HECTD4: variants seen among roughly 807,000 people sequenced by gnomAD.
The protein encoded by HECTD4 is probable E3 ubiquitin-protein ligase HECTD4.
A neutral mutation model predicts 471.5 loss-of-function variants in HECTD4; 114 were observed. The observed-to-expected ratio is 0.24, with a 90% confidence interval of 0.21 to 0.28. The LOEUF (loss-of-function observed/expected upper bound fraction) is 0.28. Among genes scored for constraint, HECTD4 ranks in the 10% least tolerant of loss-of-function variants. The pLI, the probability that HECTD4 is intolerant of heterozygous loss-of-function variation, is 1.00. For synonymous variants in HECTD4, 2,012 were observed against 2,256.0 expected (o/e 0.89, Z 3.07); for missense variants, 3,866 against 5,651.5 (o/e 0.68, Z 10.13).
At chr12:112,178,224 A>G (rs1393024776) in intron 64 of HECTD4, among the ~76,000 whole-genome samples, 1 of 152,140 alleles carries the variant, frequency 6.6e-6, no homozygotes, top group East Asian at 1.9e-4. Flanking sequence ...CCACAGGTGC[A>G]TGCCACCACA....
rs113450179 is a variant in HECTD4, at chr12:112,303,862, TAAA to T, written c.1335+2199_1335+2201del. Among the ~76,000 whole-genome samples the T allele has an allele frequency of 6.1e-5, 7 of 113,956 alleles. No individual in the cohort carries two copies. The South Asian group carries it at 1.1e-3, about 18-fold the overall frequency. The allele number at this position is 113,956 out of a possible 152,430, so 74.8% of individuals were successfully genotyped here. A position where few individuals can be genotyped will look rare whatever the true frequency, so the allele number is the denominator to read the frequency against. ...AAGACCCTCTCTTTCTCTCTCAAAA[TAAA>T]AAAAAAAAAGAAAAAAAAAAGGAAG... On this transcript the variant is annotated intron_variant, in intron 7 of 75. Transcript: ENST00000682272.
At chr12:112,363,504 G>A (rs1271283058) in intron 1 of HECTD4, among the ~76,000 whole-genome samples, 1 of 152,132 alleles carries the variant, frequency 6.6e-6, no homozygotes, top group East Asian at 1.9e-4. Context: ...TAGTGCTCAA[G>A]TTCACTACTT....
In HECTD4 at chr12:112,208,667, G is replaced by A. The variant is rs768670071; in HGVS notation, c.7868-37C>T. ...CACAAGGACAGCGAATTCTAAACAAGAGCAGGCTAGAAAAATCCTTAACTT... is the reference window on the plus strand; with the variant it reads ...CACAAGGACAGCGAATTCTAAACAAAAGCAGGCTAGAAAAATCCTTAACTT... On this transcript the variant is annotated intron_variant, in intron 50 of 75. Transcript: ENST00000682272. 10 of 1,500,788 alleles carry A rather than the reference G, an allele frequency of 6.7e-6. No homozygotes were observed. In the Admixed American group the frequency reaches 1.6e-4, roughly 25 times the overall value. 93.0% of individuals were successfully genotyped at this position (1,500,788 alleles called of 1,614,324 possible).
intron 70 of HECTD4, among the ~76,000 whole-genome samples, chr12:112,168,368 C>T (rs556974788): frequency 1.3e-5 from 2 of 152,166 alleles, no homozygotes; most frequent in South Asian, 2.1e-4. Flanking sequence ...CCCGGGCTCG[C>T]GTATGTCCGA....
At chr12:112,202,989 T>C (rs1202718882) in intron 54 of HECTD4, 3 of 152,244 alleles carry the variant, frequency 2.0e-5, no homozygotes, top group African/African-American at 7.2e-5. Flanking sequence ...CTCACTCTGT[T>C]GCCCAGGCTG....
chr12:112,220,516 G>C (rs1226199602), intron 44 of HECTD4, among the ~76,000 whole-genome samples: 1 of 152,158 alleles, frequency 6.6e-6, no homozygotes, highest in Non-Finnish European at 1.5e-5. Flanking sequence ...TCTTAAGAAA[G>C]CCAGGTGCGG....
intron 7 of HECTD4, among the ~76,000 whole-genome samples, chr12:112,294,924 T>C (rs1171778174): frequency 6.6e-6 from 1 of 152,130 alleles, no homozygotes; most frequent in South Asian, 2.1e-4. Flanking sequence ...GGGAAACCAA[T>C]ACTTCCAGTC....
At chr12:112,214,324 G>A (rs1168946682) in intron 48 of HECTD4, among the ~76,000 whole-genome samples, 2 of 152,164 alleles carry the variant, frequency 1.3e-5, no homozygotes, top group African/African-American at 2.4e-5. Context: ...TCTCCAGTAA[G>A]TGCATGAAGT....
chr12:112,189,542 C>G (rs1411356291), intron 60 of HECTD4, among the ~76,000 whole-genome samples: 1 of 108,610 alleles, frequency 9.2e-6, no homozygotes, highest in African/African-American at 4.2e-5. Context: ...CAGAGCGAGA[C>G]TCCGTCTCAA....
At chr12:112,169,467 C>G (rs368498585) in intron 70 of HECTD4, 36 bp downstream of exon 70, 21 of 1,572,840 alleles carry the variant, frequency 1.3e-5, no homozygotes, top group Non-Finnish European at 1.7e-5. Flanking sequence ...CTAAACACAG[C>G]TCCTCCAGCG....
At chr12:112,317,486 A>C (rs1743465348) in intron 2 of HECTD4, among the ~76,000 whole-genome samples, 1 of 152,232 alleles carries the variant, frequency 6.6e-6, no homozygotes, top group Non-Finnish European at 1.5e-5. Context: ...TGTTTGGCTA[A>C]AAGAAAGAAG....
intron 47 of HECTD4, 40 bp from the exon 48 acceptor site, chr12:112,216,411 G>A: frequency 7.1e-7 from 1 of 1,402,290 alleles, no homozygotes; most frequent in Non-Finnish European, 9.9e-7. Context: ...AGACAAGAAA[G>A]ATAAGCCTCA....
intron 60 of HECTD4, among the ~76,000 whole-genome samples, chr12:112,190,257 T>C (rs1202030096): frequency 1.3e-5 from 2 of 152,228 alleles, no homozygotes; most frequent in Non-Finnish European, 2.9e-5. Context: ...TCAAAATAAG[T>C]TGTAGACATC....
At chr12:112,344,511 C>T (rs1412455724) in intron 1 of HECTD4, among the ~76,000 whole-genome samples, 2 of 152,204 alleles carry the variant, frequency 1.3e-5, no homozygotes, top group Non-Finnish European at 2.9e-5. Flanking sequence ...AAAAGGTCAA[C>T]AGGGCAGAGG....
chr12:112,283,087 C>G (rs770558539), intron 8 of HECTD4, 23 bp downstream of exon 8: 6 of 1,595,592 alleles, frequency 3.8e-6, no homozygotes, highest in Admixed American at 1.7e-5. Flanking sequence ...GGAAACAGAT[C>G]TGGGAAGCAC....
chr12:112,307,377 G>T (rs1037235922), intron 6 of HECTD4, among the ~76,000 whole-genome samples: 26 of 152,190 alleles, frequency 1.7e-4, no homozygotes, highest in Admixed American at 1.4e-3. Context: ...GTGCTCCATT[G>T]CAATGCACAT....
intron 1 of HECTD4, among the ~76,000 whole-genome samples, chr12:112,369,248 G>C (rs572138631): frequency 5.9e-5 from 9 of 152,198 alleles, no homozygotes; most frequent in South Asian, 2.1e-4. Flanking sequence ...GGCTGACCAG[G>C]GTTCAGCGTG....
intron 65 of HECTD4, 124 bp downstream of exon 65, chr12:112,176,472 G>C (rs1427662529): frequency 2.9e-6 from 2 of 684,758 alleles, no homozygotes; most frequent in Non-Finnish European, 5.3e-6. Flanking sequence ...CCAGAGCCCA[G>C]AGCAGAGGCC....
chr12:112,264,708 T>C (rs2034227909), intron 16 of HECTD4, among the ~76,000 whole-genome samples: 2 of 152,226 alleles, frequency 1.3e-5, no homozygotes, highest in African/African-American at 4.8e-5. Flanking sequence ...GTTTTTCAAG[T>C]GGATTTGTCT....
Sources: allele counts gnomAD v4.1 joint callset (sites outside exome capture counted in the v4.1 genomes callset), GRCh38; gene constraint gnomAD v4.1.1; transcripts MANE v1.5; gene names NCBI Gene and HGNC (gene_info 2026-07-23, HGNC 2026-07-21).